The following MYO3B variants were observed in gnomAD, a reference collection of about 807,000 sequenced individuals.
The protein encoded by MYO3B is myosin-IIIb.
MYO3B carries 156 observed loss-of-function variants against 174.6 expected under a neutral mutation model. That is an observed-to-expected ratio of 0.89 (90% confidence interval 0.78 to 1.02). The LOEUF (loss-of-function observed/expected upper bound fraction) is 1.02, where lower values mean the gene tolerates loss of function less well. MYO3B is among the 50% of genes least tolerant of loss of function. The pLI, the probability that MYO3B is intolerant of heterozygous loss-of-function variation, is 0.00. For missense variants in MYO3B, 1,632 were observed against 1,639.4 expected (o/e 1.00, Z 0.08); for synonymous variants, 563 against 569.1 (o/e 0.99, Z 0.15).
intron 7 of MYO3B, among the ~76,000 whole-genome samples, chr2:170,311,193 C>G (rs755778987): frequency 2.6e-4 from 40 of 152,052 alleles, no homozygotes; most frequent in Non-Finnish European, 4.7e-4. Flanking sequence ...GAACCACCAC[C>G]AAACCATTTT....
chr2:170,563,893 A>G (rs1449724883), intron 32 of MYO3B, among the ~76,000 whole-genome samples: 2 of 152,212 alleles, frequency 1.3e-5, no homozygotes, highest in Non-Finnish European at 2.9e-5. Flanking sequence ...CTACAGAAGA[A>G]GCTGGGAAGC....
intron 30 of MYO3B, among the ~76,000 whole-genome samples, chr2:170,533,842 C>T (rs1395274726): frequency 6.6e-6 from 1 of 152,118 alleles, no homozygotes; most frequent in African/African-American, 2.4e-5. Context: ...CCCAGGAGAA[C>T]AAATGCAATC....
At chr2:170,471,794 C>T (rs1264702051) in intron 25 of MYO3B, among the ~76,000 whole-genome samples, 1 of 152,032 alleles carries the variant, frequency 6.6e-6, no homozygotes, top group Admixed American at 6.6e-5. Context: ...GAGTTCGAGA[C>T]CAGCCTGATT....
chr2:170,638,486 C>G (rs1307842352), intron 32 of MYO3B, among the ~76,000 whole-genome samples: 1 of 152,174 alleles, frequency 6.6e-6, no homozygotes, highest in Non-Finnish European at 1.5e-5. Flanking sequence ...ATTTAAATTC[C>G]AACAAGCTGA....
At chr2:170,651,086 T>C (rs1457821361) in intron 32 of MYO3B, among the ~76,000 whole-genome samples, 2 of 152,180 alleles carry the variant, frequency 1.3e-5, no homozygotes, top group Non-Finnish European at 2.9e-5. Context: ...CCTTCTCTTT[T>C]ACACTACCTC....
intron 32 of MYO3B, among the ~76,000 whole-genome samples, chr2:170,618,489 T>C (rs2105320504): frequency 6.6e-6 from 1 of 152,268 alleles, no homozygotes; most frequent in East Asian, 1.9e-4. Flanking sequence ...TTTCCTGCTG[T>C]GGTGCTTTTT....
chr2:170,369,791 T>C (rs1463244120), intron 9 of MYO3B, among the ~76,000 whole-genome samples: 7 of 151,906 alleles, frequency 4.6e-5, no homozygotes, highest in African/African-American at 1.7e-4. Context: ...AGAGCAGTAA[T>C]GCAGGCTGTA....
At chr2:170,619,346 C>T (rs929341190) in intron 32 of MYO3B, among the ~76,000 whole-genome samples, 3 of 152,178 alleles carry the variant, frequency 2.0e-5, no homozygotes, top group Non-Finnish European at 4.4e-5. Flanking sequence ...GGCAGTCCAA[C>T]CTGGCATTGT....
At chr2:170,519,906 G>C (rs1301969747) in intron 30 of MYO3B, 1 of 174,098 alleles carries the variant, frequency 5.7e-6, no homozygotes, top group Admixed American at 6.2e-5. Flanking sequence ...CATGGAGGTG[G>C]AGGTTGCAGT....
intron 11 of MYO3B, among the ~76,000 whole-genome samples, 196 bp from the exon 12 acceptor site, chr2:170,383,514 T>C (rs75819959): frequency 0.028 from 4,235 of 152,254 alleles, 205 homozygotes; most frequent in East Asian, 0.25. Context: ...GTGAACTCCC[T>C]CTTACTAGCT....
At position 170,449,499 on chromosome 2, in the gene MYO3B, T is replaced by A. The variant is rs760373224; in HGVS notation, c.2730+5453T>A. Among the ~76,000 whole-genome samples the A allele has an allele frequency of 3.3e-5, 5 of 152,166 alleles. No homozygotes were observed. The South Asian group carries it at 1.0e-3, about 32-fold the overall frequency. On this transcript the variant is annotated intron_variant, in intron 23 of 34. Coordinates refer to ENST00000408978, the MANE Select transcript of MYO3B (RefSeq NM_138995.5). Reference sequence around the variant, plus strand: ...AACTCAAAAAAAAAGTTTTCTTGGCTGAACACAGTGGCTCATGCCTGTAAT... The same window carrying A: ...AACTCAAAAAAAAAGTTTTCTTGGCAGAACACAGTGGCTCATGCCTGTAAT...
intron 1 of MYO3B, among the ~76,000 whole-genome samples, chr2:170,182,084 T>C (rs1289305040): frequency 1.3e-5 from 2 of 152,156 alleles, no homozygotes; most frequent in Admixed American, 6.5e-5. Context: ...TTCTTTTCTA[T>C]TTATTTTTTG....
intron 7 of MYO3B, among the ~76,000 whole-genome samples, chr2:170,328,968 C>G (rs2093890034): frequency 6.6e-6 from 1 of 152,086 alleles, no homozygotes; most frequent in Non-Finnish European, 1.5e-5. Context: ...CAAGACCAGC[C>G]TGGCCCACAT....
At chr2:170,393,669 T>C (rs2105774103) in intron 16 of MYO3B, among the ~76,000 whole-genome samples, 1 of 152,296 alleles carries the variant, frequency 6.6e-6, no homozygotes, top group Middle Eastern at 3.4e-3. Flanking sequence ...AAAGGATTAC[T>C]TCTGTGTAAT....
intron 7 of MYO3B, among the ~76,000 whole-genome samples, chr2:170,299,581 T>C (rs543192275): frequency 6.6e-6 from 1 of 152,320 alleles, no homozygotes; most frequent in Admixed American, 6.5e-5. Flanking sequence ...AAAAGCCTGG[T>C]AGAGTATTAT....
chr2:170,597,715 C>T (rs577505564), intron 32 of MYO3B, among the ~76,000 whole-genome samples: 1 of 152,248 alleles, frequency 6.6e-6, no homozygotes, highest in Non-Finnish European at 1.5e-5. Context: ...TGGTATTATC[C>T]TCAAGGCGAA....
chr2:170,527,788 G>A (rs1353548428), intron 30 of MYO3B, among the ~76,000 whole-genome samples: 1 of 152,188 alleles, frequency 6.6e-6, no homozygotes, highest in East Asian at 1.9e-4. Flanking sequence ...ACGTTTAGAT[G>A]ACTACCTAGT....
At chr2:170,178,433 A>G in intron 1 of MYO3B, 144 bp downstream of exon 1, 4 of 1,049,064 alleles carry the variant, frequency 3.8e-6, no homozygotes, top group Non-Finnish European at 6.0e-6. Context: ...GTCTGACATC[A>G]CCCAGATTCC....
rs2094418285 is a variant in MYO3B at position 170,392,403 on chromosome 2, A to G, written c.1699A>G (p.Arg567Gly). 6.3e-7 allele frequency: 1 copy of G among 1,599,882 alleles called. No individual in the cohort carries two copies. The highest frequency in any genetic ancestry group is 8.5e-7 in the Non-Finnish European group (1 of 1,171,486). ...PPRYIADETG[R>G]VMHDITSKES... ...TAGGTACATAGCTGATGAAACTGGA[A>G]GGGTGATGCACGACATAACTTCCAA... Residue 567 changes from arginine (R) to glycine (G), a missense_variant, in exon 16 of 35, where the codon AGG (arginine) becomes GGG (glycine). Transcript: ENST00000408978.
Sources: gnomAD v4.1 joint callset for allele counts (sites outside exome capture counted in the v4.1 genomes callset) on GRCh38, gnomAD v4.1.1 for gene constraint, MANE v1.5 for transcripts, NCBI Gene and HGNC (gene_info 2026-07-23, HGNC 2026-07-21) for gene names.